The following FAT4 variants were observed in gnomAD, a reference collection of about 807,000 sequenced individuals.
FAT4 encodes protocadherin Fat 4.
A neutral mutation model predicts 303.9 loss-of-function variants in FAT4; 84 were observed. The observed-to-expected ratio is 0.28, with a 90% CI of 0.23 to 0.33. The LOEUF (loss-of-function observed/expected upper bound fraction) is 0.33. Ranked by LOEUF, FAT4 falls within the 10% of genes least tolerant of loss-of-function variation. The pLI is 1.00. For synonymous variants in FAT4, 2,307 were observed against 2,298.8 expected (o/e 1.00, Z -0.10); for missense variants, 6,005 against 6,146.8 (o/e 0.98, Z 0.77).
intron 2 of FAT4, among the ~76,000 whole-genome samples, chr4:125,381,456 A>G (rs917136919): frequency 7.6e-6 from 1 of 132,106 alleles, no homozygotes; most frequent in Admixed American, 7.6e-5. Flanking sequence ...TGCATATAAA[A>G]TTATGTTTAT....
Position 125,320,774 on chromosome 4 carries a change from C to T in FAT4, c.4363C>T (p.Leu1455=). The T allele has an allele frequency of 1.9e-6, 3 of 1,614,106 alleles. No individual in the cohort carries two copies. Among genetic ancestry groups the T allele is most frequent in the Non-Finnish European group, 2.5e-6 (3 of 1,179,962 alleles). Residue 1455 remains leucine (L), a synonymous_variant, in exon 2 of 18, where the codon CTA becomes TTA. Transcript: ENST00000394329. The stretch of plus-strand genomic sequence containing the variant: ...CCCTGATGCAGACATTAATGGTCAA[C>T]TATCCTACACAATCATTCAACAGAT... The part of the protein sequence containing the change: ...HDPDADINGQ[L]SYTIIQQMPR...
chr4:125,355,540 T>G (rs932836744), intron 2 of FAT4, among the ~76,000 whole-genome samples: 1 of 152,036 alleles, frequency 6.6e-6, no homozygotes, highest in Non-Finnish European at 1.5e-5. Flanking sequence ...ACTTGATTTT[T>G]GTTAACTTAC....
intron 12 of FAT4, among the ~76,000 whole-genome samples, chr4:125,475,069 C>T (rs1024948358): frequency 2.6e-5 from 4 of 152,066 alleles, no homozygotes; most frequent in Non-Finnish European, 5.9e-5. Flanking sequence ...TAGAATAACG[C>T]TTTATTGTCT....
intron 12 of FAT4, among the ~76,000 whole-genome samples, chr4:125,470,334 C>T (rs1334433033): frequency 6.6e-6 from 1 of 152,096 alleles, no homozygotes; most frequent in Non-Finnish European, 1.5e-5. Context: ...TTCAAGACAC[C>T]AGCTATATTC....
intron 10 of FAT4, among the ~76,000 whole-genome samples, chr4:125,453,549 T>C (rs945355967): frequency 5.3e-5 from 8 of 151,900 alleles, no homozygotes; most frequent in Non-Finnish European, 1.2e-4. Context: ...CTACTAAAAA[T>C]GCAAAAATTA....
At chr4:125,326,884 G>A (rs1463128829) in intron 2 of FAT4, among the ~76,000 whole-genome samples, 1 of 152,080 alleles carries the variant, frequency 6.6e-6, no homozygotes, top group Non-Finnish European at 1.5e-5. Flanking sequence ...AATTTGCCGG[G>A]CATGGTGGTG....
Position 125,491,719 on chromosome 4 carries a change from G to A in FAT4, c.14903G>A (p.Gly4968Glu). 1 of 1,613,970 alleles carries A rather than the reference G, an allele frequency of 6.2e-7. No individual in the cohort carries two copies. Among genetic ancestry groups the A allele is most frequent in the Non-Finnish European group, 8.5e-7 (1 of 1,179,926 alleles). The change falls in exon 18 of 18, where the codon GGG becomes GAG. Residue 4968 changes from glycine (G) to glutamate (E), a missense_variant. By Grantham distance (98) the Gly-to-Glu change is moderately conservative (BLOSUM62 -2). Transcript: ENST00000394329. ...GCAGCAAATGAAGAAGGCAAAGCTG[G>A]GACAACTAAACCAGTCCCCAAAGAT... is the stretch of plus-strand genomic sequence containing the variant. Reference protein sequence around the residue: ...KAAANEEGKAGTTKPVPKDGE... With the variant: ...KAAANEEGKAETTKPVPKDGE...
chr4:125,372,709 C>T (rs571595051), intron 2 of FAT4, among the ~76,000 whole-genome samples: 9 of 152,236 alleles, frequency 5.9e-5, no homozygotes, highest in Non-Finnish European at 1.3e-4. Context: ...GAATGCAAAT[C>T]ACATTTCCTT....
At position 125,332,159 on chromosome 4, in the gene FAT4, C is replaced by CT. The variant is rs199702900; in HGVS notation, c.5175+10590dup. Among the ~76,000 whole-genome samples the CT allele has an allele frequency of 6.9e-3, 924 of 133,288 alleles. 23 individuals are homozygous for CT. The highest frequency in any genetic ancestry group is 0.017 in the African/African-American group (603 of 35,988). 87.4% of individuals were successfully genotyped at this position (133,288 alleles called of 152,430 possible). ...AAGTATTTTAGAGTTCCGTTCCATT[C>CT]TTTTTTTTTTTTTTTTTCCTTTCTC... On this transcript the variant is annotated intron_variant, in intron 2 of 17. Coordinates refer to ENST00000394329, the MANE Select transcript of FAT4 (RefSeq NM_001291303.3).
intron 2 of FAT4, among the ~76,000 whole-genome samples, chr4:125,392,864 C>T (rs1415075896): frequency 6.6e-6 from 1 of 152,168 alleles, no homozygotes; most frequent in Non-Finnish European, 1.5e-5. Flanking sequence ...CATCATTCAG[C>T]TTGCTCCACA....
At chr4:125,464,609 G>T (rs1726596430) in intron 11 of FAT4, among the ~76,000 whole-genome samples, 1 of 151,620 alleles carries the variant, frequency 6.6e-6, no homozygotes, top group Non-Finnish European at 1.5e-5. Flanking sequence ...ATGTTGGTTT[G>T]CTGCACCCAT....
intron 10 of FAT4, among the ~76,000 whole-genome samples, chr4:125,460,584 C>A (rs1359795994): frequency 6.6e-6 from 1 of 152,106 alleles, no homozygotes; most frequent in Non-Finnish European, 1.5e-5. Flanking sequence ...TAGCCTCCAG[C>A]TCCATCCATG....
chr4:125,440,610 T>TGTGTGTGTGTGTGAGAGA (rs372756130), intron 8 of FAT4, among the ~76,000 whole-genome samples: 27 of 75,748 alleles, frequency 3.6e-4, no homozygotes, highest in Admixed American at 3.4e-3. Flanking sequence ...TGTGTGTGTG[T>TGTGTGTGTGTGTGAGAGA]GAGAGAGAGA....
At chr4:125,430,110 T>A (rs1482092779) in intron 7 of FAT4, among the ~76,000 whole-genome samples, 1 of 150,718 alleles carries the variant, frequency 6.6e-6, no homozygotes, top group African/African-American at 2.5e-5. Flanking sequence ...TGTATACATA[T>A]GTAACAAACC....
chr4:125,381,431 T>C (rs955939493), intron 2 of FAT4, among the ~76,000 whole-genome samples: 1 of 148,844 alleles, frequency 6.7e-6, no homozygotes, highest in Non-Finnish European at 1.5e-5. Flanking sequence ...TCATACAGTT[T>C]TTTTGGTGTT....
chr4:125,349,762 G>C (rs1192808461), intron 2 of FAT4, among the ~76,000 whole-genome samples: 3 of 151,384 alleles, frequency 2.0e-5, no homozygotes, highest in Non-Finnish European at 4.4e-5. Context: ...CTAGATTCCC[G>C]TTATATAAAG....
Position 125,446,300 on chromosome 4 carries a change from A to G in FAT4, c.7207A>G (p.Ile2403Val), listed in dbSNP as rs778897824. The G allele has an allele frequency of 6.2e-6, 10 of 1,612,484 alleles. No individual in the cohort carries two copies. Among genetic ancestry groups the G allele is most frequent in the Non-Finnish European group, 8.5e-6 (10 of 1,178,902 alleles). Residue 2403 changes from isoleucine (I) to valine (V), a missense_variant, in exon 9 of 18, where the codon ATC becomes GTC. By Grantham distance (29) the Ile-to-Val change is conservative (BLOSUM62 3). Coordinates refer to ENST00000394329, the MANE Select transcript of FAT4 (RefSeq NM_001291303.3). Reference protein sequence around the residue: ...ASKNAVISYRIIGGNSQFTIN... With the variant: ...ASKNAVISYRVIGGNSQFTIN... ...TTCTGCTTTCTGCTTTAGTTATAGGATCATCGGTGGAAACTCTCAGTTCAC... is the reference window on the plus strand; with the variant it reads ...TTCTGCTTTCTGCTTTAGTTATAGGGTCATCGGTGGAAACTCTCAGTTCAC...
intron 2 of FAT4, among the ~76,000 whole-genome samples, chr4:125,337,388 G>A (rs1266673961): frequency 6.6e-6 from 1 of 151,934 alleles, no homozygotes; most frequent in Non-Finnish European, 1.5e-5. Context: ...TTTTTTAAGG[G>A]TTGAACTTAT....
chr4:125,391,541 G>A (rs547803316), intron 2 of FAT4, among the ~76,000 whole-genome samples: 2 of 152,148 alleles, frequency 1.3e-5, no homozygotes, highest in Admixed American at 1.3e-4. Flanking sequence ...GCAAGGGGAG[G>A]GAAGTTGGAG....
Sources: gnomAD v4.1 joint callset for allele counts (sites outside exome capture counted in the v4.1 genomes callset) on GRCh38, gnomAD v4.1.1 for gene constraint, MANE v1.5 for transcripts, NCBI Gene and HGNC (gene_info 2026-07-23, HGNC 2026-07-21) for gene names.